The following GDPD4 variants were observed in gnomAD, a reference collection of about 807,000 sequenced individuals.
GDPD4 encodes glycerophosphodiester phosphodiesterase domain containing 4.
Under a neutral mutation model 67.8 loss-of-function variants are expected in GDPD4, and 60 were observed. That is an observed-to-expected ratio of 0.88 (90% CI 0.72 to 1.10). The LOEUF (loss-of-function observed/expected upper bound fraction) is 1.10. Among genes scored for constraint, GDPD4 ranks in the 50% least tolerant of loss-of-function variants. The pLI is 0.00. For synonymous variants in GDPD4, 212 were observed against 210.9 expected, an observed-to-expected ratio of 1.00 and a Z score of -0.04; for missense variants, 623 against 613.9, an observed-to-expected ratio of 1.01 and a Z score of -0.16.
chr11:77,266,091 G>A (rs939265936), intron 10 of GDPD4, among the ~76,000 whole-genome samples: 20 of 151,998 alleles, frequency 1.3e-4, no homozygotes, highest in African/African-American at 4.6e-4. Context: ...TCTAGATTTG[G>A]GCTATTACAA....
At chr11:77,266,984 C>T (rs930571901) in intron 10 of GDPD4, among the ~76,000 whole-genome samples, 1 of 152,288 alleles carries the variant, frequency 6.6e-6, no homozygotes, top group South Asian at 2.1e-4. Flanking sequence ...CCTAGGCCTT[C>T]CCATTCACTT....
At chr11:77,263,294 G>C (rs1959155753) in intron 10 of GDPD4, among the ~76,000 whole-genome samples, 1 of 152,112 alleles carries the variant, frequency 6.6e-6, no homozygotes, top group African/African-American at 2.4e-5. Flanking sequence ...TGTATAATGA[G>C]GTTCGTGATA....
chr11:77,241,109 C>T (rs1958655354), intron 13 of GDPD4, among the ~76,000 whole-genome samples: 1 of 152,132 alleles, frequency 6.6e-6, no homozygotes, highest in Admixed American at 6.5e-5. Context: ...ATCAATATGT[C>T]AAAGAGATAT....
At chr11:77,221,267 C>T (rs886473567) in intron 16 of GDPD4, among the ~76,000 whole-genome samples, 6 of 151,996 alleles carry the variant, frequency 3.9e-5, no homozygotes, top group Non-Finnish European at 7.4e-5. Flanking sequence ...TTATTTCTTG[C>T]CTTCTGCTAT....
intron 11 of GDPD4, among the ~76,000 whole-genome samples, chr11:77,257,233 G>C (rs1959018652): frequency 6.6e-6 from 1 of 152,104 alleles, no homozygotes; most frequent in South Asian, 2.1e-4. Flanking sequence ...CAAAATCAAA[G>C]TCTCAAATGA....
At chr11:77,220,915 C>G (rs1958212050) in intron 16 of GDPD4, among the ~76,000 whole-genome samples, 1 of 152,172 alleles carries the variant, frequency 6.6e-6, no homozygotes, top group Non-Finnish European at 1.5e-5. Flanking sequence ...GATTCAACTT[C>G]TGAATTCGGG....
At chr11:77,247,411 T>C (rs1435483774) in intron 11 of GDPD4, among the ~76,000 whole-genome samples, 1 of 152,234 alleles carries the variant, frequency 6.6e-6, no homozygotes, top group South Asian at 2.1e-4. Context: ...GGTAAATATT[T>C]AATCAATATA....
rs1449479886 is a variant in GDPD4, at chr11:77,245,283, G to A, written c.1084C>T (p.Leu362=). 3 of 1,612,368 alleles carry A rather than the reference G, an allele frequency of 1.9e-6. No homozygotes were observed. Among genetic ancestry groups the A allele is most frequent in the African/African-American group, 1.3e-5 (1 of 74,892 alleles). The change falls in exon 12 of 17, where the codon CTG becomes TTG. Residue 362 remains leucine, a splice_region_variant and synonymous_variant. Coordinates refer to ENST00000315938, the MANE Select transcript of GDPD4 (RefSeq NM_182833.3). The stretch of plus-strand genomic sequence containing the variant: ...CATAAATACTGAGATAGACTTACCA[G>A]ATGTTGCTCGATTTTAGAGGCAAGG... ...VILASKIEQH[L]IFWLPAHDRQ...
intron 13 of GDPD4, among the ~76,000 whole-genome samples, chr11:77,234,622 A>G (rs1346278368): frequency 6.6e-6 from 1 of 152,148 alleles, no homozygotes; most frequent in Non-Finnish European, 1.5e-5. Flanking sequence ...CTCTGCACTA[A>G]TTCACTTAGA....
intron 16 of GDPD4, among the ~76,000 whole-genome samples, chr11:77,218,188 C>G (rs4944150): frequency 0.77 from 116,840 of 151,788 alleles, 45,772 homozygotes; most frequent in Middle Eastern, 0.87. Context: ...ATCTTTATAA[C>G]TTTTCTAATT....
chr11:77,218,901 T>G (rs1038973773), intron 16 of GDPD4, among the ~76,000 whole-genome samples: 3 of 152,236 alleles, frequency 2.0e-5, no homozygotes, highest in Non-Finnish European at 4.4e-5. Flanking sequence ...TTTGGGTATA[T>G]ACCCAGTAAT....
intron 13 of GDPD4, among the ~76,000 whole-genome samples, chr11:77,237,675 T>C (rs565032602): frequency 7.0e-4 from 107 of 152,336 alleles, no homozygotes; most frequent in Non-Finnish European, 1.5e-3. Context: ...CCTCAAATGT[T>C]TAAAAAGTTA....
Position 77,227,863 on chromosome 11 carries a change from C to T in GDPD4, c.1525+1G>A, listed in dbSNP as rs750279908. 6.2e-7 allele frequency: 1 copy of T among 1,610,804 alleles called. No homozygotes were observed. Among genetic ancestry groups the T allele is most frequent in the Admixed American group, 1.7e-5 (1 of 59,990 alleles). On this transcript the variant is annotated splice_donor_variant, in intron 16 of 16. Coordinates refer to ENST00000315938, the MANE Select transcript of GDPD4 (RefSeq NM_182833.3). LOFTEE classifies it high-confidence loss of function. Reference sequence around the variant, plus strand: ...GGAGTGGGCTAGGCCTCTGACTTTACCTGTGCGAGTGCTGGAGGTTTCAAA... The same window carrying T: ...GGAGTGGGCTAGGCCTCTGACTTTATCTGTGCGAGTGCTGGAGGTTTCAAA...
chr11:77,282,388 C>T (rs1591575106), intron 3 of GDPD4, among the ~76,000 whole-genome samples: 1 of 152,218 alleles, frequency 6.6e-6, no homozygotes, highest in East Asian at 1.9e-4. Context: ...GGTGCGGTAG[C>T]TCACACCTGC....
intron 1 of GDPD4, among the ~76,000 whole-genome samples, chr11:77,291,409 G>A (rs1028296250): frequency 6.6e-6 from 1 of 152,158 alleles, no homozygotes; most frequent in Non-Finnish European, 1.5e-5. Context: ...AGGTTAATAA[G>A]TACAAACATA....
At chr11:77,267,449 A>C (rs1959183294) in intron 10 of GDPD4, among the ~76,000 whole-genome samples, 2 of 152,334 alleles carry the variant, frequency 1.3e-5, no homozygotes, top group South Asian at 4.1e-4. Context: ...TGAGTGACTC[A>C]ATTTGTCTGC....
intron 4 of GDPD4, among the ~76,000 whole-genome samples, chr11:77,278,294 C>G (rs1959586605): frequency 1.3e-5 from 2 of 152,180 alleles, no homozygotes; most frequent in Admixed American, 1.3e-4. Flanking sequence ...ACTAACAGAA[C>G]TGACCGTTCC....
At chr11:77,257,451 CGAT>C (rs1271890065) in intron 11 of GDPD4, among the ~76,000 whole-genome samples, 2 of 151,742 alleles carry the variant, frequency 1.3e-5, no homozygotes, top group Non-Finnish European at 2.9e-5. Context: ...CCATAATCTC[CGAT>C]CAACATGTTT....
At chr11:77,257,165 T>G (rs528604427) in intron 11 of GDPD4, among the ~76,000 whole-genome samples, 1 of 152,240 alleles carries the variant, frequency 6.6e-6, no homozygotes, top group East Asian at 1.9e-4. Flanking sequence ...CTATCTCTGC[T>G]GTCACATGTG....
Sources: allele counts gnomAD v4.1 joint callset (sites outside exome capture counted in the v4.1 genomes callset), GRCh38; gene constraint gnomAD v4.1.1; transcripts MANE v1.5; gene names NCBI Gene and HGNC (gene_info 2026-07-23, HGNC 2026-07-21).